MPRIP: variants seen among roughly 807,000 people sequenced by gnomAD.
MPRIP encodes the protein myosin phosphatase Rho-interacting protein.
Under a neutral mutation model 234.9 loss-of-function variants are expected in MPRIP, and 59 were observed. The ratio of observed to expected loss-of-function variants is 0.25; its 90% confidence interval spans 0.20 to 0.31. The LOEUF (loss-of-function observed/expected upper bound fraction) is 0.31, where lower values mean the gene tolerates loss of function less well. Among genes scored for constraint, MPRIP ranks in the 10% least tolerant of loss-of-function variants. MPRIP has a pLI of 1.00. For synonymous variants in MPRIP, 1,144 were observed against 1,263.9 expected, an observed-to-expected ratio of 0.91 and a Z score of 2.01; for missense variants, 2,436 against 3,071.0, an observed-to-expected ratio of 0.79 and a Z score of 4.89.
At chr17:17,184,317 G>A (rs1243870202) in intron 23 of MPRIP, among the ~76,000 whole-genome samples, 1 of 152,180 alleles carries the variant, frequency 6.6e-6, no homozygotes, top group Non-Finnish European at 1.5e-5. Context: ...TGGGTCTGAG[G>A]GCAGCAGGTG....
At position 17,186,826 on chromosome 17, in the gene MPRIP, C is replaced by T. The variant is rs1261123242; in HGVS notation, c.*1932C>T. Reference sequence around the variant, plus strand: ...AATGGGAATATACAGAAGGAACATTCGGGACCCCGCTGTCCCCCACAGCCT... The same window carrying T: ...AATGGGAATATACAGAAGGAACATTTGGGACCCCGCTGTCCCCCACAGCCT... On this transcript the variant is annotated 3_prime_UTR_variant, in exon 24 of 24. Transcript: ENST00000651222. The T allele has an allele frequency of 2.6e-5, 4 of 152,390 alleles. No individual in the cohort carries two copies. The highest frequency in any genetic ancestry group is 1.9e-4 in the East Asian group (1 of 5,190). 9.4% of individuals were successfully genotyped at this position (152,390 alleles called of 1,614,324 possible).
intron 3 of MPRIP, among the ~76,000 whole-genome samples, chr17:17,112,054 C>T (rs547334705): frequency 2.0e-5 from 3 of 152,268 alleles, no homozygotes; most frequent in South Asian, 2.1e-4. Context: ...ACGAGGTGTG[C>T]GGGTGCTGTG....
chr17:17,139,527 C>T (rs1477045409), intron 7 of MPRIP, among the ~76,000 whole-genome samples: 1 of 152,196 alleles, frequency 6.6e-6, no homozygotes, highest in Non-Finnish European at 1.5e-5. Context: ...TCAGAGTGTC[C>T]TCCCTTCCCC....
rs1220055991 is a variant in MPRIP, at chr17:17,167,717, C to G, written c.6126C>G (p.His2042Gln). ...QDTLCLHQGP[H>Q]PKALPAPAPN... ...CCCTCTGCCTCCACCAGGGGCCACA[C>G]CCCAAGGCCCTGCCAGCCCCTGCCC... The change falls in exon 16 of 24, where the codon CAC (histidine) becomes CAG (glutamine). Residue 2042 changes from histidine (H) to glutamine (Q), a missense_variant. By Grantham distance (24) the His-to-Gln change is conservative. Around this residue, in one of 4 missense-constraint regions of MPRIP, gnomAD observed 1,998 missense variants for 2,520.3 expected, o/e 0.79. Coordinates refer to ENST00000651222, the MANE Select transcript of MPRIP (RefSeq NM_001364716.4). This position sits in a 1 kb window ranked among gnomAD's most constrained non-coding sequence, Gnocchi z 5.9. 1 of 1,304,206 alleles carries G rather than the reference C, an allele frequency of 7.7e-7. No individual in the cohort carries two copies. Among genetic ancestry groups the G allele is most frequent in the Non-Finnish European group, 1.0e-6 (1 of 988,962 alleles). The allele number at this position is 1,304,206 out of a possible 1,614,324, so 80.8% of individuals were successfully genotyped here. A position where few individuals can be genotyped will look rare whatever the true frequency, so the allele number is the denominator to read the frequency against.
intron 12 of MPRIP, among the ~76,000 whole-genome samples, chr17:17,153,470 G>A (rs55751545): frequency 0.069 from 10,454 of 151,892 alleles, 505 homozygotes; most frequent in East Asian, 0.18. Context: ...CTGGTACCCA[G>A]GCAGGTCTGC....
intron 3 of MPRIP, among the ~76,000 whole-genome samples, chr17:17,113,885 CT>C (rs1396154528): frequency 1.6e-4 from 16 of 98,446 alleles, no homozygotes; most frequent in Admixed American, 8.3e-4. Context: ...CTTTTCTTTT[CT>C]TTTTTTTTTT....
chr17:17,056,822 T>A (rs2088714304), intron 1 of MPRIP, among the ~76,000 whole-genome samples: 1 of 152,038 alleles, frequency 6.6e-6, no homozygotes, highest in Non-Finnish European at 1.5e-5. Context: ...GCTTTGTGCC[T>A]CAATGGATTT....
intron 1 of MPRIP, among the ~76,000 whole-genome samples, chr17:17,047,522 G>A (rs1168522097): frequency 1.3e-5 from 2 of 151,968 alleles, no homozygotes; most frequent in African/African-American, 4.8e-5. Context: ...TGTTTTTTAG[G>A]AAAATAATTC....
chr17:17,049,816 C>G (rs2088475714), intron 1 of MPRIP, among the ~76,000 whole-genome samples: 1 of 152,208 alleles, frequency 6.6e-6, no homozygotes, highest in African/African-American at 2.4e-5. Flanking sequence ...TGTGCCACCC[C>G]TCAGACCAGC....
intron 1 of MPRIP, among the ~76,000 whole-genome samples, chr17:17,061,844 A>C (rs2088876496): frequency 6.6e-6 from 1 of 152,098 alleles, no homozygotes; most frequent in Non-Finnish European, 1.5e-5. Context: ...GGCTCCTTCC[A>C]CTGTGGAGCA....
intron 3 of MPRIP, among the ~76,000 whole-genome samples, chr17:17,118,378 T>C (rs973981375): frequency 1.3e-5 from 2 of 152,166 alleles, no homozygotes; most frequent in African/African-American, 4.8e-5. Context: ...TGCCAGGTTG[T>C]AGCATGCAGG....
intron 3 of MPRIP, among the ~76,000 whole-genome samples, chr17:17,101,239 G>A (rs2089953502): frequency 6.6e-6 from 1 of 152,160 alleles, no homozygotes; most frequent in African/African-American, 2.4e-5. Flanking sequence ...AAGAAGCAGA[G>A]TTTAACATTT....
chr17:17,166,318 T>C lies in MPRIP; in HGVS notation c.4727T>C (p.Ile1576Thr). ...CAGATTGCTCTGGAGGCCTCGCTGA[T>C]CAGCCAGATAGCAGATTCCCTGAAG... ...SDQIALEASLISQIADSLKNT... is the reference protein window; with the variant it reads ...SDQIALEASLTSQIADSLKNT... The change falls in exon 16 of 24, where the codon ATC becomes ACC. Residue 1576 changes from isoleucine to threonine, a missense_variant. Physicochemically the swap from Ile to Thr is moderately conservative, Grantham distance 89. Coordinates refer to ENST00000651222, the MANE Select transcript of MPRIP (RefSeq NM_001364716.4). This position sits in a 1 kb window ranked among gnomAD's most constrained non-coding sequence, Gnocchi z 4.4. The C allele has an allele frequency of 7.7e-7, 1 of 1,304,510 alleles. No homozygotes were observed. The highest frequency in any genetic ancestry group is 1.0e-6 in the Non-Finnish European group (1 of 989,020). 80.8% of individuals were successfully genotyped at this position (1,304,510 alleles called of 1,614,324 possible).
chr17:17,148,669 G>A (rs903726608), intron 11 of MPRIP, among the ~76,000 whole-genome samples: 2 of 152,170 alleles, frequency 1.3e-5, no homozygotes, highest in Non-Finnish European at 1.5e-5. Context: ...CTTTCTCATG[G>A]AAAGGACTTG....
chr17:17,054,539 C>G (rs1189539193), intron 1 of MPRIP, among the ~76,000 whole-genome samples: 8 of 152,138 alleles, frequency 5.3e-5, no homozygotes, highest in Non-Finnish European at 1.2e-4. Context: ...CAGACTGGGA[C>G]CACTTAGATG....
Position 17,173,948 on chromosome 17 carries a change from A to T in MPRIP, c.6623A>T (p.Glu2208Val), listed in dbSNP as rs1191073395. 6.2e-7 allele frequency: 1 copy of T among 1,613,596 alleles called. No homozygotes were observed. The highest frequency in any genetic ancestry group is 1.1e-5 in the South Asian group (1 of 91,072). The change falls in exon 19 of 24, where the codon GAG becomes GTG. Residue 2208 changes from glutamate (E) to valine (V), a missense_variant. Around this residue, in one of 4 missense-constraint regions of MPRIP, gnomAD observed 1,998 missense variants for 2,520.3 expected, o/e 0.79. Transcript: ENST00000651222. ...EELQSVQREL[E>V]VLSEQYSQKC... ...CTGCAGTCGGTGCAGCGGGAACTGG[A>T]GGTCCTCTCGGAGCAGTACTCGCAG...
At chr17:17,183,220 T>A (rs2046409097) in intron 23 of MPRIP, 1 of 152,350 alleles carries the variant, frequency 6.6e-6, no homozygotes, top group African/African-American at 2.4e-5. Flanking sequence ...CCAGTGAGGT[T>A]GTTTGTTTGT....
intron 1 of MPRIP, among the ~76,000 whole-genome samples, chr17:17,054,304 C>T (rs77454441): frequency 1.2e-3 from 177 of 152,316 alleles, no homozygotes; most frequent in Non-Finnish European, 2.1e-3. Flanking sequence ...AGGACAAAAG[C>T]GGTGGGCTGG....
intron 3 of MPRIP, among the ~76,000 whole-genome samples, chr17:17,111,153 A>C (rs1272738520): frequency 1.4e-5 from 2 of 145,304 alleles, no homozygotes; most frequent in Admixed American, 6.8e-5. Flanking sequence ...TTTAAAAAAA[A>C]AAACCAAAAA....
Sources: allele counts gnomAD v4.1 joint callset (sites outside exome capture counted in the v4.1 genomes callset), GRCh38; gene constraint gnomAD v4.1.1; regional missense constraint gnomAD v4.1.1; non-coding constraint Gnocchi (gnomAD v3.1); transcripts MANE v1.5; gene names NCBI Gene and HGNC (gene_info 2026-07-23, HGNC 2026-07-21).